METTL15: variants seen among roughly 807,000 people sequenced by gnomAD.
METTL15 encodes 12S rRNA N(4)-cytidine methyltransferase METTL15.
METTL15 carries 34 observed loss-of-function variants against 38.3 expected under a neutral mutation model. The observed-to-expected ratio is 0.89, with a 90% CI of 0.68 to 1.18. The LOEUF (loss-of-function observed/expected upper bound fraction) is 1.18, where lower values mean the gene tolerates loss of function less well. Among genes scored for constraint, METTL15 ranks in the 50% most tolerant of loss-of-function variants. The pLI is 0.00. For missense variants in METTL15, 438 were observed against 498.4 expected, an observed-to-expected ratio of 0.88 and a Z score of 1.15; for synonymous variants, 162 against 170.9, an observed-to-expected ratio of 0.95 and a Z score of 0.41.
At chr11:28,500,994 C>T (rs1851578204) in intron 6 of METTL15, among the ~76,000 whole-genome samples, 1 of 152,216 alleles carries the variant, frequency 6.6e-6, no homozygotes. Flanking sequence ...TTATCTTCTT[C>T]AAGCCCAAGT....
At chr11:28,214,349 A>T (rs1385896573) in intron 4 of METTL15, among the ~76,000 whole-genome samples, 1 of 152,134 alleles carries the variant, frequency 6.6e-6, no homozygotes. Context: ...CCAAATCTTG[A>T]TAGAGATAGT....
intron 4 of METTL15, among the ~76,000 whole-genome samples, chr11:28,230,723 C>A (rs933692621): frequency 2.4e-4 from 37 of 151,878 alleles, no homozygotes; most frequent in African/African-American, 8.9e-4. Flanking sequence ...GTTCTCGACA[C>A]CCCCCATTTT....
intron 3 of METTL15, among the ~76,000 whole-genome samples, chr11:28,338,925 G>A (rs1454286253): frequency 6.6e-5 from 10 of 152,092 alleles, no homozygotes. Context: ...AAAGATCTTG[G>A]AGGAGGAAAA....
intron 4 of METTL15, among the ~76,000 whole-genome samples, chr11:28,211,434 C>T (rs1852637339): frequency 6.6e-6 from 1 of 151,948 alleles, no homozygotes; most frequent in Non-Finnish European, 1.5e-5. Flanking sequence ...TGTCTTCCAC[C>T]TACAAGATTG....
chr11:28,508,088 A>G (rs968953046), intron 6 of METTL15, among the ~76,000 whole-genome samples: 2 of 152,112 alleles, frequency 1.3e-5, no homozygotes, highest in African/African-American at 4.8e-5. Flanking sequence ...CTACAGTTGT[A>G]AAATGCTTGT....
intron 4 of METTL15, among the ~76,000 whole-genome samples, chr11:28,253,266 C>G (rs1854822241): frequency 6.6e-6 from 1 of 152,142 alleles, no homozygotes; most frequent in South Asian, 2.1e-4. Flanking sequence ...GTAATTGGCA[C>G]CCAGTTGCTT....
chr11:28,269,148 A>T (rs889198071), intron 4 of METTL15, among the ~76,000 whole-genome samples: 1 of 152,164 alleles, frequency 6.6e-6, no homozygotes, highest in Admixed American at 6.5e-5. Context: ...CAGTTATTGG[A>T]GTGTAACAAA....
intron 5 of METTL15, among the ~76,000 whole-genome samples, chr11:28,386,776 CAG>C (rs1248122680): frequency 6.6e-6 from 1 of 151,940 alleles, no homozygotes; most frequent in Non-Finnish European, 1.5e-5. Context: ...TTAATACACA[CAG>C]AACATTCTCC....
At chr11:28,402,370 G>A (rs1279637939) in intron 5 of METTL15, among the ~76,000 whole-genome samples, 1 of 151,922 alleles carries the variant, frequency 6.6e-6, no homozygotes, top group Admixed American at 6.6e-5. Context: ...CTGTAGCCAA[G>A]CTAAGTCCAA....
intron 6 of METTL15, among the ~76,000 whole-genome samples, chr11:28,522,441 C>T (rs112678437): frequency 5.3e-5 from 8 of 152,280 alleles, no homozygotes; most frequent in African/African-American, 1.4e-4. Flanking sequence ...TCTTGCTTGG[C>T]GGAGGTTAGT....
At chr11:28,495,361 A>C (rs1367178662) in intron 6 of METTL15, among the ~76,000 whole-genome samples, 1 of 152,166 alleles carries the variant, frequency 6.6e-6, no homozygotes, top group Non-Finnish European at 1.5e-5. Flanking sequence ...CCAGAGGATG[A>C]CAAAAAGGGA....
At chr11:28,503,330 G>A (rs901759487) in intron 6 of METTL15, among the ~76,000 whole-genome samples, 2 of 152,308 alleles carry the variant, frequency 1.3e-5, no homozygotes, top group African/African-American at 4.8e-5. Context: ...AATATACTTT[G>A]ACCACTATTT....
chr11:28,387,756 A>C (rs865879317), intron 5 of METTL15, among the ~76,000 whole-genome samples: 5 of 152,268 alleles, frequency 3.3e-5, no homozygotes, highest in South Asian at 2.1e-4. Flanking sequence ...AGAAAACTAC[A>C]TACCAATAAC....
At chr11:28,142,973 G>A (rs945640722) in intron 3 of METTL15, among the ~76,000 whole-genome samples, 2 of 152,000 alleles carry the variant, frequency 1.3e-5, no homozygotes, top group African/African-American at 4.8e-5. Flanking sequence ...GGAGAGAGGT[G>A]GGCAGATAGG....
At chr11:28,305,217 A>G (rs865907828) in intron 6 of METTL15, among the ~76,000 whole-genome samples, 1 of 152,162 alleles carries the variant, frequency 6.6e-6, no homozygotes, top group Non-Finnish European at 1.5e-5. Flanking sequence ...TGTGGAAAAA[A>G]AGAAAGAAAA....
chr11:28,328,189 A>C, intron 6 of METTL15: 1 of 1,603,804 alleles, frequency 6.2e-7, no homozygotes, highest in Non-Finnish European at 8.5e-7. Context: ...CTTCCTTTTC[A>C]GTTTTGATAT....
At chr11:28,232,808 T>G (rs1853742698) in intron 4 of METTL15, among the ~76,000 whole-genome samples, 2 of 152,022 alleles carry the variant, frequency 1.3e-5, no homozygotes, top group African/African-American at 4.8e-5. Flanking sequence ...TTTTATCTTT[T>G]TCTCCTGGAA....
rs188397771 is a variant in METTL15 at position 28,323,192 on chromosome 11, T to A, written c.779-7204T>A. ...ACAAATGATAATATTTCCTTTGGCT[T>A]TTTTTTTCTTTTCTTTTTTTTAACA... On this transcript the variant is annotated intron_variant, in intron 6 of 6. Transcript: ENST00000407364. Among the ~76,000 whole-genome samples, 1,110 of 152,084 alleles carry A rather than the reference T, an allele frequency of 7.3e-3. 6 individuals carry two copies. Among genetic ancestry groups the A allele is most frequent in the Non-Finnish European group, 0.011 (727 of 67,970 alleles).
intron 6 of METTL15, among the ~76,000 whole-genome samples, chr11:28,494,105 A>G (rs1851517837): frequency 1.3e-5 from 2 of 152,326 alleles, no homozygotes; most frequent in Admixed American, 1.3e-4. Flanking sequence ...TTAGCAAACA[A>G]ATTAGGATGA....
Sources: allele counts gnomAD v4.1 joint callset (sites outside exome capture counted in the v4.1 genomes callset), GRCh38; gene constraint gnomAD v4.1.1; transcripts MANE v1.5; gene names NCBI Gene and HGNC (gene_info 2026-07-23, HGNC 2026-07-21).